SGMS1: variants seen among roughly 807,000 people sequenced by gnomAD.
SGMS1 encodes the protein phosphatidylcholine:ceramide cholinephosphotransferase 1.
Under a neutral mutation model 46.2 loss-of-function variants are expected in SGMS1, and 13 were observed. The observed-to-expected ratio is 0.28, with a 90% CI of 0.18 to 0.45. The LOEUF (loss-of-function observed/expected upper bound fraction) is 0.45. Ranked by LOEUF, SGMS1 falls within the 20% of genes least tolerant of loss-of-function variation. The pLI, the probability that SGMS1 is intolerant of heterozygous loss-of-function variation, is 1.00. For missense variants in SGMS1, 324 were observed against 519.9 expected (o/e 0.62, Z 3.66); for synonymous variants, 203 against 187.8 (o/e 1.08, Z -0.66).
intron 3 of SGMS1, among the ~76,000 whole-genome samples, chr10:50,496,025 C>T (rs1837612555): frequency 6.6e-6 from 1 of 152,106 alleles, no homozygotes; most frequent in African/African-American, 2.4e-5. Context: ...AAACAGCAGA[C>T]ACTCCATACC....
intron 6 of SGMS1, among the ~76,000 whole-genome samples, chr10:50,417,282 T>C (rs1436048155): frequency 1.3e-5 from 2 of 152,206 alleles, no homozygotes; most frequent in African/African-American, 4.8e-5. Context: ...TCACTGGACT[T>C]ATTTCTACAT....
At chr10:50,372,284 A>G (rs1230737436) in intron 6 of SGMS1, among the ~76,000 whole-genome samples, 1 of 152,256 alleles carries the variant, frequency 6.6e-6, no homozygotes, top group African/African-American at 2.4e-5. Context: ...TATGAGACCT[A>G]TTATATTAAC....
intron 2 of SGMS1, among the ~76,000 whole-genome samples, chr10:50,556,262 T>G (rs1344149456): frequency 6.6e-6 from 1 of 152,216 alleles, no homozygotes; most frequent in East Asian, 1.9e-4. Flanking sequence ...ACAGGCAGTG[T>G]TGCAGCACTG....
intron 1 of SGMS1, among the ~76,000 whole-genome samples, chr10:50,605,141 A>AC (rs1182810080): frequency 1.2e-5 from 1 of 80,944 alleles, no homozygotes; most frequent in Non-Finnish European, 2.7e-5. Flanking sequence ...GCACCACAAA[A>AC]CCCCGGACCA....
chr10:50,313,103 C>T (rs898874080), intron 8 of SGMS1, among the ~76,000 whole-genome samples: 5 of 152,166 alleles, frequency 3.3e-5, no homozygotes, highest in South Asian at 2.1e-4. Flanking sequence ...CATGACTTGG[C>T]CATGAATAGC....
intron 2 of SGMS1, among the ~76,000 whole-genome samples, chr10:50,553,789 T>C (rs755917324): frequency 6.6e-6 from 1 of 152,234 alleles, no homozygotes; most frequent in Non-Finnish European, 1.5e-5. Flanking sequence ...ATAGGTCATC[T>C]ACATTAGTTA....
At chr10:50,522,732 C>A (rs1837867217) in intron 2 of SGMS1, among the ~76,000 whole-genome samples, 3 of 152,020 alleles carry the variant, frequency 2.0e-5, no homozygotes, top group Non-Finnish European at 4.4e-5. Flanking sequence ...TGTGATGTCT[C>A]AACAGAATGG....
intron 2 of SGMS1, among the ~76,000 whole-genome samples, chr10:50,521,045 A>AT (rs1002836045): frequency 7.9e-4 from 118 of 148,774 alleles, no homozygotes; most frequent in African/African-American, 2.6e-3. Flanking sequence ...TGCCCAGTTG[A>AT]TTTTTTTTTT....
intron 3 of SGMS1, among the ~76,000 whole-genome samples, chr10:50,476,616 C>T (rs954582858): frequency 7.2e-5 from 11 of 152,222 alleles, no homozygotes; most frequent in African/African-American, 2.2e-4. Context: ...GTGGCAGTCT[C>T]TCCCATCACA....
At chr10:50,604,264 C>G (rs892068685) in intron 1 of SGMS1, among the ~76,000 whole-genome samples, 1 of 152,134 alleles carries the variant, frequency 6.6e-6, no homozygotes, top group Admixed American at 6.5e-5. Context: ...ACTGGTCCCC[C>G]ACATGAGCCT....
intron 8 of SGMS1, 87 bp from the exon 9 acceptor site, chr10:50,311,502 T>G: frequency 8.2e-7 from 1 of 1,214,126 alleles, no homozygotes; most frequent in South Asian, 1.4e-5. Flanking sequence ...TATCCAGAAT[T>G]AAGCTTATAT....
At chr10:50,404,876 C>T (rs1199751196) in intron 6 of SGMS1, among the ~76,000 whole-genome samples, 2 of 152,022 alleles carry the variant, frequency 1.3e-5, no homozygotes, top group Non-Finnish European at 1.5e-5. Flanking sequence ...AAATATTGTA[C>T]CATCATTAAA....
chr10:50,531,707 C>A (rs1273781713), intron 2 of SGMS1, among the ~76,000 whole-genome samples: 1 of 152,190 alleles, frequency 6.6e-6, no homozygotes, highest in African/African-American at 2.4e-5. Context: ...TCTGCTGCGG[C>A]AAGTTGCCCA....
intron 1 of SGMS1, among the ~76,000 whole-genome samples, chr10:50,599,780 T>C (rs1838632144): frequency 6.6e-6 from 1 of 152,100 alleles, no homozygotes; most frequent in African/African-American, 2.4e-5. Flanking sequence ...AGAGAATTGC[T>C]TGAACCCAGG....
intron 6 of SGMS1, among the ~76,000 whole-genome samples, chr10:50,397,345 G>T (rs113056599): frequency 6.2e-4 from 95 of 152,242 alleles, no homozygotes; most frequent in African/African-American, 2.1e-3. Context: ...TCATACACAT[G>T]CACAATAAAG....
chr10:50,515,570 C>T (rs781621571), intron 3 of SGMS1, among the ~76,000 whole-genome samples: 6 of 152,216 alleles, frequency 3.9e-5, no homozygotes, highest in Non-Finnish European at 8.8e-5. Flanking sequence ...TTCCCTTTGC[C>T]TGAGCAGTGT....
chr10:50,308,174 G>C, intron 9 of SGMS1, 26 bp from the exon 10 acceptor site: 1 of 1,603,938 alleles, frequency 6.2e-7, no homozygotes, highest in Non-Finnish European at 8.5e-7. Flanking sequence ...ATTTGCAATA[G>C]TCCCATTATT....
intron 2 of SGMS1, among the ~76,000 whole-genome samples, chr10:50,537,713 T>C (rs759655509): frequency 6.6e-6 from 1 of 151,864 alleles, no homozygotes; most frequent in Non-Finnish European, 1.5e-5. Flanking sequence ...GCTGGTAGTT[T>C]TTGAAATAGG....
chr10:50,366,163 T>A (rs946724493), intron 6 of SGMS1, among the ~76,000 whole-genome samples: 7 of 151,750 alleles, frequency 4.6e-5, no homozygotes, highest in African/African-American at 1.7e-4. Flanking sequence ...TGGGAGAAAA[T>A]TTTTGCAATC....
Sources: allele counts gnomAD v4.1 joint callset (sites outside exome capture counted in the v4.1 genomes callset), GRCh38; gene constraint gnomAD v4.1.1; transcripts MANE v1.5; gene names NCBI Gene and HGNC (gene_info 2026-07-23, HGNC 2026-07-21).